PCDHA7: variants seen among roughly 807,000 people sequenced by gnomAD.
PCDHA7 encodes the protein protocadherin alpha 7.
A neutral mutation model predicts 57.2 loss-of-function variants in PCDHA7; 37 were observed. The ratio of observed to expected loss-of-function variants is 0.65; its 90% CI spans 0.50 to 0.85. The LOEUF is 0.85. PCDHA7 is among the 40% of genes least tolerant of loss of function. The pLI is 0.00. For missense variants in PCDHA7, 1,188 were observed against 1,241.8 expected, an observed-to-expected ratio of 0.96 and a Z score of 0.65; for synonymous variants, 553 against 558.8, an observed-to-expected ratio of 0.99 and a Z score of 0.15.
At chr5:140,884,254 G>A (rs1554181387) in intron 1 of PCDHA7, 2 of 1,613,406 alleles carry the variant, frequency 1.2e-6, no homozygotes, top group Admixed American at 1.7e-5. Flanking sequence ...TGACGGCCAC[G>A]GCAACGGTGC....
intron 1 of PCDHA7, among the ~76,000 whole-genome samples, chr5:140,970,569 C>T (rs1346474165): frequency 3.9e-5 from 6 of 152,038 alleles, no homozygotes; most frequent in African/African-American, 1.4e-4. Flanking sequence ...CATATGTATG[C>T]TTGAAATAAC....
intron 1 of PCDHA7, among the ~76,000 whole-genome samples, chr5:140,941,953 C>A (rs1166757165): frequency 6.6e-6 from 1 of 152,054 alleles, no homozygotes; most frequent in Non-Finnish European, 1.5e-5. Flanking sequence ...GTTTTGAAAA[C>A]AATAGTATCT....
rs782697989 is a variant in PCDHA7, at chr5:140,858,434, A to G, written c.2355+21696A>G. On this transcript the variant is annotated intron_variant, in intron 1 of 3. Coordinates refer to ENST00000525929, the MANE Select transcript of PCDHA7 (RefSeq NM_018910.3). ...GTCTATTGGAGGGGACCACTCTAGGAAGGTGGGTTATTACGTTTTCATTTT... is the reference window on the plus strand; with the variant it reads ...GTCTATTGGAGGGGACCACTCTAGGGAGGTGGGTTATTACGTTTTCATTTT... 3 of 1,543,272 alleles carry G rather than the reference A, an allele frequency of 1.9e-6. No homozygotes were observed. The Admixed American group carries it at 5.9e-5, about 30-fold the overall frequency.
intron 1 of PCDHA7, among the ~76,000 whole-genome samples, chr5:140,896,760 T>C (rs562641955): frequency 1.3e-5 from 2 of 152,340 alleles, no homozygotes; most frequent in East Asian, 3.9e-4. Flanking sequence ...ATTAGACCTT[T>C]GTTGGATGCA....
chr5:140,959,373 C>CA lies in PCDHA7; in HGVS notation c.2356-19566dup, dbSNP rs1243465116. Among the ~76,000 whole-genome samples the CA allele has an allele frequency of 8.3e-3, 1,208 of 145,190 alleles. 7 individuals carry two copies. Among genetic ancestry groups the CA allele is most frequent in the Admixed American group, 0.016 (228 of 14,544 alleles). ...GGGACAACTGAGTGAGACCCTGTCT[C>CA]AAAAAAAAAAGTCACAAATTAAGAT... On this transcript the variant is annotated intron_variant, in intron 1 of 3. Coordinates refer to ENST00000525929, the MANE Select transcript of PCDHA7 (RefSeq NM_018910.3).
intron 1 of PCDHA7, chr5:140,841,437 C>A (rs2150315470): frequency 1.2e-6 from 2 of 1,612,838 alleles, no homozygotes; most frequent in Non-Finnish European, 1.7e-6. Context: ...CCCGAGGAGG[C>A]CAAACACGGC....
chr5:140,845,266 T>G (rs1779777521), intron 1 of PCDHA7, among the ~76,000 whole-genome samples: 1 of 149,636 alleles, frequency 6.7e-6, no homozygotes, highest in Non-Finnish European at 1.5e-5. Context: ...TGTTTTCCTT[T>G]GTGAAAGTAA....
intron 1 of PCDHA7, chr5:140,881,246 G>A (rs1006093115): frequency 4.8e-6 from 2 of 415,054 alleles, no homozygotes; most frequent in Non-Finnish European, 6.5e-6. Flanking sequence ...TTAAATGACG[G>A]CAAGGTTTTA....
chr5:140,982,071 G>A (rs1484711558), intron 2 of PCDHA7, among the ~76,000 whole-genome samples: 12 of 151,172 alleles, frequency 7.9e-5, no homozygotes, highest in Admixed American at 7.9e-4. Flanking sequence ...TTCTTCTTTA[G>A]AGTAGAGAAC....
chr5:140,929,679 G>T lies in PCDHA7; in HGVS notation c.2356-49270G>T, dbSNP rs142104946. ...ATTTAAAGTGAAGAATGAAAAATAT[G>T]TAAGAGTCTGCTTTATATGAATATA... On this transcript the variant is annotated intron_variant, in intron 1 of 3. Coordinates refer to ENST00000525929, the MANE Select transcript of PCDHA7 (RefSeq NM_018910.3). 2.7e-3 allele frequency: 822 copies of T among 303,170 alleles called. 4 individuals are homozygous for T. Among genetic ancestry groups the T allele is most frequent in the African/African-American group, 0.017 (768 of 46,460 alleles). The allele number at this position is 303,170 out of a possible 1,614,324, so 18.8% of individuals were successfully genotyped here. A position where few individuals can be genotyped will look rare whatever the true frequency, so the allele number is the denominator to read the frequency against.
At chr5:140,838,077 AGTGTGTGTGTGTGTGTGTGTGTGTGT>A (rs57130401) in intron 1 of PCDHA7, among the ~76,000 whole-genome samples, 3 of 80,664 alleles carry the variant, frequency 3.7e-5, no homozygotes, top group South Asian at 4.3e-4. Context: ...ATATATATAT[AGTGTGTGTGTGTGTGTGTGTGTGTGT>A]GTGTGTGTGT....
Position 140,835,408 on chromosome 5 carries a change from A to G in PCDHA7, c.1025A>G (p.Asp342Gly), listed in dbSNP as rs1554134951. The change falls in exon 1 of 4, where the codon GAT (aspartate) becomes GGT (glycine). Residue 342 changes from aspartate (D) to glycine (G), a missense_variant. Physicochemically the swap from Asp to Gly is moderately conservative, Grantham distance 94. Around this residue, in one of 3 missense-constraint regions of PCDHA7, gnomAD observed 102 missense variants for 267.4 expected, o/e 0.38. Transcript: ENST00000525929. ...TGTACAGTTCTTGTGGAAGTTGTGGATGTAAATGACAATGCTCCACAGTTG... is the reference window on the plus strand; with the variant it reads ...TGTACAGTTCTTGTGGAAGTTGTGGGTGTAAATGACAATGCTCCACAGTTG... The part of the protein sequence containing the change: ...GHCTVLVEVV[D>G]VNDNAPQLTL... The G allele has an allele frequency of 6.2e-7, 1 of 1,614,004 alleles. No individual in the cohort carries two copies. The highest frequency in any genetic ancestry group is 8.5e-7 in the Non-Finnish European group (1 of 1,179,876).
intron 1 of PCDHA7, chr5:140,842,466 A>G (rs1451214851): frequency 6.2e-7 from 1 of 1,613,794 alleles, no homozygotes; most frequent in Non-Finnish European, 8.5e-7. Context: ...TCAGGTGCCA[A>G]CGGGCAGGTG....
intron 1 of PCDHA7, chr5:140,928,747 C>G (rs781895762): frequency 6.2e-7 from 1 of 1,614,132 alleles, no homozygotes; most frequent in Non-Finnish European, 8.5e-7. Context: ...AGGTGAGCTC[C>G]GTACTGCTCG....
intron 1 of PCDHA7, among the ~76,000 whole-genome samples, chr5:140,931,398 T>C: frequency 6.6e-6 from 1 of 152,112 alleles, no homozygotes; most frequent in African/African-American, 2.4e-5. Context: ...AAGTAAGCGA[T>C]AGGAAGGCTG....
chr5:140,890,439 A>C lies in PCDHA7; in HGVS notation c.2355+53701A>C, dbSNP rs114755692. On this transcript the variant is annotated intron_variant, in intron 1 of 3. Coordinates refer to ENST00000525929, the MANE Select transcript of PCDHA7 (RefSeq NM_018910.3). The stretch of plus-strand genomic sequence containing the variant: ...TATTTAGTTTATATTTACAATACCT[A>C]GTGATATCTTTAGGCACAAATATTT... 7.6e-3 allele frequency among the ~76,000 whole-genome samples: 1,153 copies of C among 152,326 alleles called. 6 individuals are homozygous for C. Among genetic ancestry groups the C allele is most frequent in the Non-Finnish European group, 0.013 (886 of 68,014 alleles).
intron 1 of PCDHA7, chr5:140,877,223 C>G: frequency 6.2e-7 from 1 of 1,613,714 alleles, no homozygotes; most frequent in Non-Finnish European, 8.5e-7. Flanking sequence ...GTACCGCGGT[C>G]GGTGGGTGCG....
intron 1 of PCDHA7, chr5:140,967,309 A>G (rs782218334): frequency 6.2e-7 from 1 of 1,611,224 alleles, no homozygotes; most frequent in East Asian, 2.2e-5. Context: ...GCGCCAACTC[A>G]GTACAGACCT....
intron 1 of PCDHA7, among the ~76,000 whole-genome samples, chr5:140,920,583 C>T (rs1287573835): frequency 1.3e-5 from 2 of 152,106 alleles, no homozygotes; most frequent in African/African-American, 4.8e-5. Flanking sequence ...CAGTGGCTCA[C>T]GCCTGTAATC....
Sources: gnomAD v4.1 joint callset for allele counts (sites outside exome capture counted in the v4.1 genomes callset) on GRCh38, gnomAD v4.1.1 for gene constraint, gnomAD v4.1.1 regional missense constraint, MANE v1.5 for transcripts, NCBI Gene and HGNC (gene_info 2026-07-23, HGNC 2026-07-21) for gene names.